Variants in YPEL1 observed in about 807,000 individuals in gnomAD.
YPEL1 encodes yippee like 1.
Under a neutral mutation model 17.3 loss-of-function variants are expected in YPEL1, and 7 were observed. That is an observed-to-expected ratio of 0.40 (90% confidence interval 0.23 to 0.76). The LOEUF is 0.76. Among genes scored for constraint, YPEL1 ranks in the 30% least tolerant of loss-of-function variants. The pLI is 0.35. For synonymous variants in YPEL1, 59 were observed against 59.6 expected, an observed-to-expected ratio of 0.99 and a Z score of 0.05; for missense variants, 91 against 155.5, an observed-to-expected ratio of 0.59 and a Z score of 2.21.
At chr22:21,731,539 G>A (rs5749743) in intron 1 of YPEL1, among the ~76,000 whole-genome samples, 139,545 of 143,424 alleles carry the variant, frequency 0.97, 68,000 homozygotes, top group Non-Finnish European at 0.99. Context: ...GAGAAGGGGG[G>A]AAAAAAAAAA....
chr22:21,709,062 C>T (rs1217724004), intron 2 of YPEL1, among the ~76,000 whole-genome samples: 3 of 152,182 alleles, frequency 2.0e-5, no homozygotes, highest in African/African-American at 7.2e-5. Flanking sequence ...GCAAGGAACA[C>T]ACCTGGCATG....
At chr22:21,718,388 T>C (rs1160197784) in intron 1 of YPEL1, among the ~76,000 whole-genome samples, 2 of 151,560 alleles carry the variant, frequency 1.3e-5, no homozygotes, top group East Asian at 1.9e-4. Flanking sequence ...TGGCGTGAAC[T>C]CAGGAGGTGG....
intron 2 of YPEL1, chr22:21,704,214 G>T: frequency 1.4e-6 from 1 of 715,048 alleles, no homozygotes; most frequent in South Asian, 1.5e-5. Context: ...TCTGAGAGGG[G>T]ATCACGAATG....
At chr22:21,734,064 T>C (rs867880892) in intron 1 of YPEL1, among the ~76,000 whole-genome samples, 7 of 152,000 alleles carry the variant, frequency 4.6e-5, no homozygotes, top group African/African-American at 1.7e-4. Flanking sequence ...CAAAAAAAAA[T>C]GTAAAGTTAA....
chr22:21,704,374 T>C (rs564430152), intron 2 of YPEL1, among the ~76,000 whole-genome samples: 152 of 152,316 alleles, frequency 1.0e-3, no homozygotes, highest in African/African-American at 3.1e-3. Flanking sequence ...AGTCACAGCA[T>C]GGCTGAGTAT....
intron 1 of YPEL1, among the ~76,000 whole-genome samples, chr22:21,713,851 G>A (rs1373554525): frequency 6.6e-6 from 1 of 152,170 alleles, no homozygotes; most frequent in African/African-American, 2.4e-5. Context: ...CAGGACGTGC[G>A]CCAAGTTTTC....
rs1276814263 is a variant in YPEL1, at chr22:21,700,107, T to G, written c.*1022A>C. 1 of 152,404 alleles carries G rather than the reference T, an allele frequency of 6.6e-6. No individual in the cohort carries two copies. Among genetic ancestry groups the G allele is most frequent in the African/African-American group, 2.4e-5 (1 of 41,472 alleles). The allele number at this position is 152,404 out of a possible 1,614,324, so 9.4% of individuals were successfully genotyped here. On this transcript the variant is annotated 3_prime_UTR_variant, in exon 5 of 5. Transcript: ENST00000339468. ...CAAAAATGCCCTTAGTGTATAAGTC[T>G]GTTGACTGCCTCTGGAAGATTCTTA...
At position 21,698,746 on chromosome 22, in the gene YPEL1, C is replaced by CTCT. The variant is rs1211495099; in HGVS notation, c.*2380_*2382dup. ...TCATGGGCCAGCTTGTGGGCGGAGC[C>CTCT]TCTTCAGGCTTGAGACCATGGCAGC... On this transcript the variant is annotated 3_prime_UTR_variant, in exon 5 of 5. Transcript: ENST00000339468. 6.6e-6 allele frequency: 1 copy of CTCT among 152,418 alleles called. No homozygotes were observed. The highest frequency in any genetic ancestry group is 1.5e-5 in the Non-Finnish European group (1 of 68,068). 9.4% of individuals were successfully genotyped at this position (152,418 alleles called of 1,614,324 possible).
chr22:21,712,367 TA>T (rs34536579), intron 1 of YPEL1, among the ~76,000 whole-genome samples: 15,123 of 130,500 alleles, frequency 0.12, 933 homozygotes, highest in East Asian at 0.3. Flanking sequence ...TTGGAATATG[TA>T]AAAAAAAAAA....
chr22:21,726,338 T>C (rs1486276685), intron 1 of YPEL1, among the ~76,000 whole-genome samples: 3 of 152,248 alleles, frequency 2.0e-5, no homozygotes, highest in South Asian at 2.1e-4. Flanking sequence ...AGACAGGCGT[T>C]TGCCCTTTAC....
Position 21,703,975 on chromosome 22 carries a change from T to A in YPEL1, c.118-93A>T. On this transcript the variant is annotated intron_variant, in intron 2 of 4. Coordinates refer to ENST00000339468, the MANE Select transcript of YPEL1 (RefSeq NM_013313.5). This position sits in a 1 kb window ranked among gnomAD's most constrained non-coding sequence, Gnocchi z 6.1. ...CCAGGGGAGTCCAGCCCCGCGGCTG[T>A]TAGCTGCGCCGGGACGCGTCACCGG... is the stretch of plus-strand genomic sequence containing the variant. 7.0e-7 allele frequency: 1 copy of A among 1,429,892 alleles called. No homozygotes were observed. Among genetic ancestry groups the A allele is most frequent in the Non-Finnish European group, 9.7e-7 (1 of 1,035,872 alleles). The allele number at this position is 1,429,892 out of a possible 1,614,324, so 88.6% of individuals were successfully genotyped here.
chr22:21,718,140 AAAACAAAAAC>A (rs2068245985), intron 1 of YPEL1, among the ~76,000 whole-genome samples: 1 of 150,498 alleles, frequency 6.6e-6, no homozygotes, highest in Non-Finnish European at 1.5e-5. Context: ...AAAAAAAAAA[AAAACAAAAAC>A]AAAACAACAA....
At chr22:21,712,637 A>T (rs2068181098) in intron 1 of YPEL1, among the ~76,000 whole-genome samples, 1 of 151,446 alleles carries the variant, frequency 6.6e-6, no homozygotes, top group African/African-American at 2.4e-5. Context: ...GAGGCAGCAG[A>T]ATTGCTTGAA....
intron 1 of YPEL1, among the ~76,000 whole-genome samples, chr22:21,722,106 T>C (rs747952621): frequency 7.2e-5 from 11 of 152,184 alleles, no homozygotes; most frequent in Non-Finnish European, 1.5e-4. Flanking sequence ...GGTATACACA[T>C]ACAGGGAAAG....
Position 21,727,993 on chromosome 22 carries a change from G to A in YPEL1, c.-165+7622C>T, listed in dbSNP as rs9622076. Among the ~76,000 whole-genome samples, 755 of 152,330 alleles carry A rather than the reference G, an allele frequency of 5.0e-3. 9 individuals are homozygous for A. The highest frequency in any genetic ancestry group is 4.7e-3 in the Non-Finnish European group (321 of 68,026). ...TGCAAAGCTGGAGGAGAACTGGGGCGTCTGCTGGGCGTGGCGATGAAGGGG... is the reference window on the plus strand; with the variant it reads ...TGCAAAGCTGGAGGAGAACTGGGGCATCTGCTGGGCGTGGCGATGAAGGGG... On this transcript the variant is annotated intron_variant, in intron 1 of 4. Coordinates refer to ENST00000339468, the MANE Select transcript of YPEL1 (RefSeq NM_013313.5).
chr22:21,734,756 A>G (rs2068420794), intron 1 of YPEL1, among the ~76,000 whole-genome samples: 1 of 152,184 alleles, frequency 6.6e-6, no homozygotes, highest in African/African-American at 2.4e-5. Flanking sequence ...TCACATCTAT[A>G]GCTTGCTCAG....
intron 1 of YPEL1, among the ~76,000 whole-genome samples, chr22:21,716,241 A>C (rs2068222603): frequency 6.6e-6 from 1 of 152,260 alleles, no homozygotes. Context: ...GAGGTGACTT[A>C]AGATTTCATA....
At chr22:21,717,227 T>C (rs2068234759) in intron 1 of YPEL1, among the ~76,000 whole-genome samples, 1 of 151,760 alleles carries the variant, frequency 6.6e-6, no homozygotes, top group Admixed American at 6.6e-5. Context: ...AATACAAAAA[T>C]TAGCCGGGCG....
chr22:21,723,430 C>T (rs9610168), intron 1 of YPEL1, among the ~76,000 whole-genome samples: 6,009 of 150,796 alleles, frequency 0.04, 244 homozygotes, highest in East Asian at 0.16. Context: ...TGCAGTGGCG[C>T]GATCTCGGTT....
Sources: allele counts gnomAD v4.1 joint callset (sites outside exome capture counted in the v4.1 genomes callset), GRCh38; gene constraint gnomAD v4.1.1; non-coding constraint Gnocchi (gnomAD v3.1); transcripts MANE v1.5; gene names NCBI Gene and HGNC (gene_info 2026-07-23, HGNC 2026-07-21).